Variants in CELSR1 observed in about 807,000 individuals in gnomAD.
CELSR1 encodes the protein adhesion G protein-coupled receptor C1.
CELSR1 carries 110 observed loss-of-function variants against 249.1 expected under a neutral mutation model. The observed-to-expected ratio is 0.44, with a 90% confidence interval of 0.38 to 0.52. CELSR1 has a LOEUF of 0.52. Among genes scored for constraint, CELSR1 ranks in the 20% least tolerant of loss-of-function variants. The pLI is 0.00. For missense variants in CELSR1, 4,109 were observed against 4,296.4 expected (o/e 0.96, Z 1.22); for synonymous variants, 2,113 against 1,900.0 (o/e 1.11, Z -2.92).
intron 1 of CELSR1, among the ~76,000 whole-genome samples, chr22:46,529,672 G>A (rs781639153): frequency 1.4e-4 from 22 of 152,000 alleles, no homozygotes; most frequent in African/African-American, 3.9e-4. Flanking sequence ...GTGTGGTGGC[G>A]TGCACCTGTA....
rs556029206 is a variant in CELSR1, at chr22:46,509,083, T to A, written c.3544+24544A>T. 2.6e-5 allele frequency among the ~76,000 whole-genome samples: 4 copies of A among 152,288 alleles called. No homozygotes were observed. In the South Asian group the frequency reaches 8.3e-4, roughly 32 times the overall value. On this transcript the variant is annotated intron_variant, in intron 1 of 34. Transcript: ENST00000674500. ...CACACGACACCTCCTAGGCATCCTG[T>A]CCCTGTATCTGGCACCCCTCCAGTG... is the stretch of plus-strand genomic sequence containing the variant.
chr22:46,498,507 G>A (rs2080436755), intron 1 of CELSR1, among the ~76,000 whole-genome samples: 1 of 151,702 alleles, frequency 6.6e-6, no homozygotes, highest in Admixed American at 6.6e-5. Context: ...CAGGTACTCA[G>A]GAGGCTGAGG....
chr22:46,425,587 A>G (rs2079527714), intron 5 of CELSR1, among the ~76,000 whole-genome samples: 1 of 152,242 alleles, frequency 6.6e-6, no homozygotes, highest in South Asian at 2.1e-4. Context: ...TTTATTAATT[A>G]TTCCCTTATT....
chr22:46,477,007 A>G (rs941968480), intron 1 of CELSR1, among the ~76,000 whole-genome samples: 1 of 152,196 alleles, frequency 6.6e-6, no homozygotes, highest in African/African-American at 2.4e-5. Flanking sequence ...TTGGCGTGAC[A>G]TTGTACAAAA....
intron 18 of CELSR1, among the ~76,000 whole-genome samples, chr22:46,387,535 T>A (rs1205591387): frequency 6.8e-6 from 1 of 147,136 alleles, no homozygotes; most frequent in African/African-American, 2.7e-5. Flanking sequence ...TTTTTTCATA[T>A]TTTAGAAGAG....
chr22:46,363,881 A>C lies in CELSR1; in HGVS notation c.9035+115T>G, dbSNP rs2078733802. 2.2e-6 allele frequency: 3 copies of C among 1,357,936 alleles called. No homozygotes were observed. The highest frequency in any genetic ancestry group is 2.9e-6 in the Non-Finnish European group (3 of 1,030,732). 84.1% of individuals were successfully genotyped at this position (1,357,936 alleles called of 1,614,324 possible). A position where few individuals can be genotyped will look rare whatever the true frequency, so the allele number is the denominator to read the frequency against. ...CCATCCCCGCCTGGGCTTCCTCTGCACTCAGGGCTCCAGGTGAGGTGGGTG... is the reference window on the plus strand; with the variant it reads ...CCATCCCCGCCTGGGCTTCCTCTGCCCTCAGGGCTCCAGGTGAGGTGGGTG... On this transcript the variant is annotated intron_variant, in intron 34 of 34. Transcript: ENST00000674500. This position sits in a 1 kb window ranked among gnomAD's most constrained non-coding sequence, Gnocchi z 4.3.
rs750245387 is a variant in CELSR1, at chr22:46,396,740, A to G, written c.5708T>C (p.Leu1903Pro). Residue 1903 changes from leucine (L) to proline (P), a missense_variant, in exon 13 of 35, where the codon CTT (leucine) becomes CCT (proline). Transcript: ENST00000674500. The surrounding 1 kb of genome is among the most constrained non-coding windows in gnomAD (Gnocchi z 6.4). The stretch of plus-strand genomic sequence containing the variant: ...ACAGGCATCCACACAGTTTATTCCA[A>G]GGTACCCTGCAAGGACAGAGCCAGC... ...DYSCVCDKGYLGINCVDACHL... is the reference protein window; with the variant it reads ...DYSCVCDKGYPGINCVDACHL... 1 of 1,612,270 alleles carries G rather than the reference A, an allele frequency of 6.2e-7. No homozygotes were observed. Among genetic ancestry groups the G allele is most frequent in the Non-Finnish European group, 8.5e-7 (1 of 1,179,266 alleles).
In CELSR1 at chr22:46,378,578, G is replaced by A. The variant is rs779058764; in HGVS notation, c.7383+13C>T. 3 of 1,555,484 alleles carry A rather than the reference G, an allele frequency of 1.9e-6. No individual in the cohort carries two copies. The highest frequency in any genetic ancestry group is 2.7e-5 in the African/African-American group (2 of 73,522). On this transcript the variant is annotated intron_variant, in intron 23 of 34. Transcript: ENST00000674500. ...AGGCCCAGAGGGCACAGTGGCCACG[G>A]GAGGATGCCCACCTCACGCCTGGAG...
chr22:46,377,113 A>G lies in CELSR1; in HGVS notation c.7532T>C (p.Leu2511Pro). ...CACGAACACCAGCTGAGAGAGGAAGAGCGCCACGGCGAGGTGCTTGTGAAT... is the reference window on the plus strand; with the variant it reads ...CACGAACACCAGCTGAGAGAGGAAGGGCGCCACGGCGAGGTGCTTGTGAAT... Reference protein sequence around the residue: ...HSIHKHLAVALFLSQLVFVIG... With the variant: ...HSIHKHLAVAPFLSQLVFVIG... The change falls in exon 24 of 35, where the codon CTC becomes CCC. Residue 2511 changes from leucine to proline, a missense_variant. Physicochemically the swap from Leu to Pro is moderately conservative, Grantham distance 98. Coordinates refer to ENST00000674500, the MANE Select transcript of CELSR1 (RefSeq NM_001378328.1). The G allele has an allele frequency of 6.2e-7, 1 of 1,613,664 alleles. No individual in the cohort carries two copies. Among genetic ancestry groups the G allele is most frequent in the Non-Finnish European group, 8.5e-7 (1 of 1,179,904 alleles).
intron 1 of CELSR1, among the ~76,000 whole-genome samples, chr22:46,480,520 C>A (rs1260485598): frequency 6.6e-6 from 1 of 152,170 alleles, no homozygotes; most frequent in Non-Finnish European, 1.5e-5. Flanking sequence ...AAAACAAAGA[C>A]ACAGAAAACA....
Position 46,408,946 on chromosome 22 carries a change from C to T in CELSR1, c.5226+50G>A, listed in dbSNP as rs1166196474. On this transcript the variant is annotated intron_variant, in intron 9 of 34. Coordinates refer to ENST00000674500, the MANE Select transcript of CELSR1 (RefSeq NM_001378328.1). The surrounding 1 kb of genome is among the most constrained non-coding windows in gnomAD (Gnocchi z 4.6). Reference sequence around the variant, plus strand: ...AGGAAGCCCAGCGCCTGGGTCCCTCCCTCGGGCACCCACCTAGCAGGTGCC... The same window carrying T: ...AGGAAGCCCAGCGCCTGGGTCCCTCTCTCGGGCACCCACCTAGCAGGTGCC... 1 of 1,483,384 alleles carries T rather than the reference C, an allele frequency of 6.7e-7. No homozygotes were observed. Among genetic ancestry groups the T allele is most frequent in the Non-Finnish European group, 9.0e-7 (1 of 1,107,434 alleles). 91.9% of individuals were successfully genotyped at this position (1,483,384 alleles called of 1,614,324 possible).
intron 1 of CELSR1, chr22:46,481,502 G>A (rs749933217): frequency 1.3e-4 from 200 of 1,536,620 alleles, no homozygotes; most frequent in Non-Finnish European, 1.7e-4. Context: ...GTGGTGCACC[G>A]GACCAGGTGG....
chr22:46,506,179 A>G lies in CELSR1; in HGVS notation c.3544+27448T>C, dbSNP rs2080512659. The stretch of plus-strand genomic sequence containing the variant: ...GGGCGACAGAGACTGTCTCCAAAAA[A>G]AAAAAAAAAAAAAAGAAAAAGAAAG... On this transcript the variant is annotated intron_variant, in intron 1 of 34. Coordinates refer to ENST00000674500, the MANE Select transcript of CELSR1 (RefSeq NM_001378328.1). The surrounding 1 kb of genome is among the most constrained non-coding windows in gnomAD (Gnocchi z 4.1). Among the ~76,000 whole-genome samples, 1 of 45,552 alleles carries G rather than the reference A, an allele frequency of 2.2e-5. No homozygotes were observed. The highest frequency in any genetic ancestry group is 4.5e-5 in the African/African-American group (1 of 22,122). 29.9% of individuals were successfully genotyped at this position (45,552 alleles called of 152,430 possible).
At chr22:46,456,944 G>A (rs1163330087) in intron 2 of CELSR1, among the ~76,000 whole-genome samples, 2 of 152,126 alleles carry the variant, frequency 1.3e-5, no homozygotes, top group African/African-American at 4.8e-5. Context: ...CCCAGCCTAG[G>A]GAGTTGGTAC....
At chr22:46,385,608 TC>T (rs1199567628) in intron 19 of CELSR1, among the ~76,000 whole-genome samples, 12 of 151,564 alleles carry the variant, frequency 7.9e-5, no homozygotes, top group African/African-American at 2.9e-4. Context: ...CACGGGTACG[TC>T]ATCACAGACT....
rs112206148 is a variant in CELSR1, at chr22:46,410,546, G to A, written c.4785C>T (p.Thr1595=). 4.2e-5 allele frequency: 67 copies of A among 1,613,832 alleles called. No individual in the cohort carries two copies. Among genetic ancestry groups the A allele is most frequent in the Middle Eastern group, 1.7e-4 (1 of 6,060 alleles). The stretch of plus-strand genomic sequence containing the variant: ...GGACACCCCCCAGGAGTAGAGGGCC[G>A]GTCAGATCCAGGGACCTGGGTAGGT... ...QTGSKKSLDL[T]GPLLLGGVPN... Residue 1595 remains threonine (T), a synonymous_variant, in exon 7 of 35, where the codon ACC becomes ACT. Coordinates refer to ENST00000674500, the MANE Select transcript of CELSR1 (RefSeq NM_001378328.1). The surrounding 1 kb of genome is among the most constrained non-coding windows in gnomAD (Gnocchi z 6.8).
In CELSR1 at chr22:46,363,074, G is replaced by C. The variant is rs113237641; in HGVS notation, c.*149C>G. 2.6e-6 allele frequency: 4 copies of C among 1,534,692 alleles called. No individual in the cohort carries two copies. The African/African-American group carries it at 4.1e-5, about 16-fold the overall frequency. ...TGATCAGTCGGGGGGCTGCCACCAT[G>C]GGGACCGCCACACTCTGGGCCCACT... On this transcript the variant is annotated 3_prime_UTR_variant, in exon 35 of 35. Coordinates refer to ENST00000674500, the MANE Select transcript of CELSR1 (RefSeq NM_001378328.1). This position sits in a 1 kb window ranked among gnomAD's most constrained non-coding sequence, Gnocchi z 4.3.
rs147737073 is a variant in CELSR1 at position 46,418,088 on chromosome 22, T to C, written c.4612-6329A>G. ...TGTGTGAAGTGCTTGCAGCCATGCC[T>C]GCTATTGTTACTTCTTGAAAAGATG... is the stretch of plus-strand genomic sequence containing the variant. On this transcript the variant is annotated intron_variant, in intron 5 of 34. Coordinates refer to ENST00000674500, the MANE Select transcript of CELSR1 (RefSeq NM_001378328.1). Among the ~76,000 whole-genome samples, 542 of 152,388 alleles carry C rather than the reference T, an allele frequency of 3.6e-3. 3 individuals are homozygous for C. Among genetic ancestry groups the C allele is most frequent in the Non-Finnish European group, 5.3e-3 (358 of 68,038 alleles).
Position 46,537,067 on chromosome 22 carries a change from A to G in CELSR1, c.104T>C (p.Val35Ala), listed in dbSNP as rs2080866814. The change falls in exon 1 of 35, where the codon GTA becomes GCA. Residue 35 changes from valine (V) to alanine (A), a missense_variant. Around this residue, in one of 7 missense-constraint regions of CELSR1, gnomAD observed 673 missense variants for 636.8 expected, o/e 1.06. Transcript: ENST00000674500. This position sits in a 1 kb window ranked among gnomAD's most constrained non-coding sequence, Gnocchi z 5.8. ...GGCGAAGGCGCGGGTCCCGCCGGGT[A>G]CGCGCGGCTCCCAGGCGGCCGCTCG... ...GLRAAAWEPR[V>A]PGGTRAFALR... 1.9e-6 allele frequency: 2 copies of G among 1,065,838 alleles called. No individual in the cohort carries two copies. Among genetic ancestry groups the G allele is most frequent in the South Asian group, 8.0e-5 (2 of 24,872 alleles). The allele number at this position is 1,065,838 out of a possible 1,614,324, so 66.0% of individuals were successfully genotyped here.
Sources: allele counts gnomAD v4.1 joint callset (sites outside exome capture counted in the v4.1 genomes callset), GRCh38; gene constraint gnomAD v4.1.1; regional missense constraint gnomAD v4.1.1; non-coding constraint Gnocchi (gnomAD v3.1); transcripts MANE v1.5; gene names NCBI Gene and HGNC (gene_info 2026-07-23, HGNC 2026-07-21).